The following PSD3 variants were observed in gnomAD, a reference collection of about 807,000 sequenced individuals.
PSD3 encodes the protein pleckstrin and Sec7 domain containing 3, also known as PH and SEC7 domain-containing protein 3.
A neutral mutation model predicts 105.5 loss-of-function variants in PSD3; 49 were observed. The ratio of observed to expected loss-of-function variants is 0.46; its 90% CI spans 0.37 to 0.59. The LOEUF is 0.59. Among genes scored for constraint, PSD3 ranks in the 20% least tolerant of loss-of-function variants. The pLI is 0.00. For synonymous variants in PSD3, 557 were observed against 457.8 expected (o/e 1.22, Z -2.77); for missense variants, 1,561 against 1,263.8 (o/e 1.24, Z -3.57).
chr8:19,031,647 G>C (rs1186724558), intron 1 of PSD3, among the ~76,000 whole-genome samples: 1 of 152,162 alleles, frequency 6.6e-6, no homozygotes, highest in Non-Finnish European at 1.5e-5. Flanking sequence ...AGGAGACTTA[G>C]GATGCAAATC....
At chr8:18,769,416 TAA>T (rs1246517843) in intron 8 of PSD3, among the ~76,000 whole-genome samples, 3 of 152,178 alleles carry the variant, frequency 2.0e-5, no homozygotes, top group Non-Finnish European at 4.4e-5. Flanking sequence ...ATTTTTCTCT[TAA>T]AAAAGTGTGT....
chr8:18,809,975 A>G (rs1390496788), intron 4 of PSD3, among the ~76,000 whole-genome samples: 2 of 152,124 alleles, frequency 1.3e-5, no homozygotes, highest in East Asian at 3.9e-4. Context: ...AATCCTACAC[A>G]AGATCCATAT....
At chr8:18,711,699 T>C (rs1410570028) in intron 9 of PSD3, among the ~76,000 whole-genome samples, 4 of 152,090 alleles carry the variant, frequency 2.6e-5, no homozygotes, top group Non-Finnish European at 4.4e-5. Flanking sequence ...TAACACCCCA[T>C]TGACAATATC....
chr8:18,823,432 T>G (rs1812909041), intron 4 of PSD3, among the ~76,000 whole-genome samples: 1 of 152,140 alleles, frequency 6.6e-6, no homozygotes, highest in African/African-American at 2.4e-5. Flanking sequence ...AAAGTGGCAA[T>G]AATAGCAAAG....
At chr8:18,640,424 G>A (rs1473040496) in intron 10 of PSD3, among the ~76,000 whole-genome samples, 5 of 152,156 alleles carry the variant, frequency 3.3e-5, no homozygotes, top group African/African-American at 4.8e-5. Flanking sequence ...TGTCATGGGA[G>A]GGACCAGTGG....
chr8:18,748,789 C>G (rs531202155), intron 9 of PSD3, among the ~76,000 whole-genome samples: 2 of 152,114 alleles, frequency 1.3e-5, no homozygotes, highest in East Asian at 3.9e-4. Context: ...TCCACACAAG[C>G]TGGGACTGTG....
At chr8:18,796,689 G>T (rs966755216) in intron 8 of PSD3, among the ~76,000 whole-genome samples, 1 of 152,138 alleles carries the variant, frequency 6.6e-6, no homozygotes, top group African/African-American at 2.4e-5. Context: ...TCCTCATAGG[G>T]GAGTCACCCC....
chr8:19,046,547 G>A (rs1275153693), intron 1 of PSD3, among the ~76,000 whole-genome samples: 1 of 152,182 alleles, frequency 6.6e-6, no homozygotes, highest in Non-Finnish European at 1.5e-5. Flanking sequence ...GCTCAACAAA[G>A]GGCCATGCCT....
chr8:19,039,729 AAG>A (rs1429033665), intron 1 of PSD3, among the ~76,000 whole-genome samples: 1 of 152,180 alleles, frequency 6.6e-6, no homozygotes, highest in African/African-American at 2.4e-5. Flanking sequence ...TTCAAATGGA[AAG>A]AGAGTTTTTC....
intron 1 of PSD3, among the ~76,000 whole-genome samples, chr8:18,997,938 C>G (rs1317462444): frequency 1.3e-5 from 2 of 152,044 alleles, no homozygotes; most frequent in Non-Finnish European, 2.9e-5. Context: ...CACATGCAGA[C>G]ACAACTCATA....
At chr8:18,724,958 G>C (rs997639174) in intron 9 of PSD3, among the ~76,000 whole-genome samples, 2 of 152,080 alleles carry the variant, frequency 1.3e-5, no homozygotes, top group African/African-American at 4.8e-5. Context: ...GCTCAGAAAA[G>C]AAAGAAAAAG....
In PSD3 at chr8:18,641,591, G is replaced by A. The variant is rs746296959; in HGVS notation, c.2217-8785C>T. 9.2e-5 allele frequency among the ~76,000 whole-genome samples: 14 copies of A among 152,128 alleles called. 1 individual carries two copies. Among genetic ancestry groups the A allele is most frequent in the Admixed American group, 2.0e-4 (3 of 15,282 alleles). On this transcript the variant is annotated intron_variant, in intron 10 of 15. Transcript: ENST00000327040. ...TGATGGAAATGGGGTGATAAACTACGGTGGTTGTTACACAAGTGTGCAAAG... is the reference window on the plus strand; with the variant it reads ...TGATGGAAATGGGGTGATAAACTACAGTGGTTGTTACACAAGTGTGCAAAG...
chr8:18,951,913 G>A (rs1394402865), intron 1 of PSD3, among the ~76,000 whole-genome samples: 1 of 152,052 alleles, frequency 6.6e-6, no homozygotes, highest in Non-Finnish European at 1.5e-5. Flanking sequence ...AGGTTGCAGT[G>A]AGCCCAGATC....
chr8:18,591,813 G>A (rs1803633238), intron 12 of PSD3, among the ~76,000 whole-genome samples: 1 of 152,128 alleles, frequency 6.6e-6, no homozygotes, highest in Non-Finnish European at 1.5e-5. Context: ...GGACAGCTGG[G>A]TAGCTTCCTG....
chr8:18,853,858 G>C (rs1028645628), intron 4 of PSD3, among the ~76,000 whole-genome samples: 1 of 152,070 alleles, frequency 6.6e-6, no homozygotes, highest in African/African-American at 2.4e-5. Context: ...AACTCCACTA[G>C]GGAAAAATCT....
At chr8:18,583,576 G>A (rs1291788011) in intron 12 of PSD3, among the ~76,000 whole-genome samples, 3 of 152,088 alleles carry the variant, frequency 2.0e-5, no homozygotes, top group African/African-American at 4.8e-5. Flanking sequence ...CCCCAAACAC[G>A]CTGTATCACA....
intron 11 of PSD3, among the ~76,000 whole-genome samples, chr8:18,626,364 TA>T (rs1806477436): frequency 6.6e-6 from 1 of 152,130 alleles, no homozygotes; most frequent in Non-Finnish European, 1.5e-5. Context: ...TTTTCACTTA[TA>T]AAACACTTTT....
intron 4 of PSD3, among the ~76,000 whole-genome samples, chr8:18,814,004 G>A (rs1013600635): frequency 1.3e-5 from 2 of 152,092 alleles, no homozygotes; most frequent in African/African-American, 4.8e-5. Flanking sequence ...CCATACAAAT[G>A]TTAGTTAGCG....
intron 14 of PSD3, among the ~76,000 whole-genome samples, chr8:18,561,064 T>G (rs973999553): frequency 6.6e-6 from 1 of 152,300 alleles, no homozygotes; most frequent in East Asian, 1.9e-4. Flanking sequence ...AATTACCAAA[T>G]AATCTAGCAA....
Sources: gnomAD v4.1 joint callset for allele counts (sites outside exome capture counted in the v4.1 genomes callset) on GRCh38, gnomAD v4.1.1 for gene constraint, MANE v1.5 for transcripts, NCBI Gene and HGNC (gene_info 2026-07-23, HGNC 2026-07-21) for gene names.